Variants in MTUS2 observed in about 807,000 individuals in gnomAD.
The protein encoded by MTUS2 is microtubule associated scaffold protein 2.
A neutral mutation model predicts 114.1 loss-of-function variants in MTUS2; 40 were observed. The observed-to-expected ratio is 0.35, with a 90% CI of 0.27 to 0.46. MTUS2 has a LOEUF of 0.46. MTUS2 is among the 20% of genes least tolerant of loss of function. The probability of loss-of-function intolerance (pLI) is 1.00; values close to 1 mark genes in which losing one functional copy is unlikely to be tolerated. For synonymous variants in MTUS2, 688 were observed against 672.0 expected, an observed-to-expected ratio of 1.02 and a Z score of -0.37; for missense variants, 1,679 against 1,705.4, an observed-to-expected ratio of 0.98 and a Z score of 0.27.
In MTUS2 at chr13:29,232,053, G is replaced by A. The variant is rs187472852; in HGVS notation, c.2645-49651G>A. On this transcript the variant is annotated intron_variant, in intron 5 of 15. Coordinates refer to ENST00000612955, the MANE Select transcript of MTUS2 (RefSeq NM_001033602.4). ...GTAATTTACATTTGGCCTAAGAGTTGTATAGGCAGTGGAGACTGTGGCAAA... is the reference window on the plus strand; with the variant it reads ...GTAATTTACATTTGGCCTAAGAGTTATATAGGCAGTGGAGACTGTGGCAAA... 7.6e-3 allele frequency among the ~76,000 whole-genome samples: 1,161 copies of A among 152,278 alleles called. 6 individuals carry two copies. Among genetic ancestry groups the A allele is most frequent in the South Asian group, 0.013 (65 of 4,830 alleles).
intron 2 of MTUS2, among the ~76,000 whole-genome samples, chr13:29,023,103 A>C (rs1005781934): frequency 6.6e-6 from 1 of 152,210 alleles, no homozygotes; most frequent in African/African-American, 2.4e-5. Flanking sequence ...TATGTTGCAT[A>C]TTGAAGGATG....
chr13:29,105,083 C>T (rs1195911838), intron 5 of MTUS2, among the ~76,000 whole-genome samples: 1 of 152,156 alleles, frequency 6.6e-6, no homozygotes, highest in Non-Finnish European at 1.5e-5. Flanking sequence ...GGGAAATAGT[C>T]ACTGGAGCAT....
chr13:29,124,716 G>A (rs4769002), intron 5 of MTUS2, among the ~76,000 whole-genome samples: 66,718 of 152,106 alleles, frequency 0.44, 15,898 homozygotes, highest in Non-Finnish European at 0.52. Flanking sequence ...TAAACAAAAT[G>A]TCATTTATCC....
chr13:29,151,307 AG>A (rs1260582022), intron 5 of MTUS2, among the ~76,000 whole-genome samples: 1 of 152,036 alleles, frequency 6.6e-6, no homozygotes, highest in East Asian at 1.9e-4. Context: ...GACTATTGTA[AG>A]TGGGATTGTA....
intron 5 of MTUS2, among the ~76,000 whole-genome samples, chr13:29,270,319 C>A (rs1474450014): frequency 3.3e-5 from 5 of 152,056 alleles, no homozygotes; most frequent in African/African-American, 1.2e-4. Flanking sequence ...GGTAAAGCAC[C>A]CCCCTCAGGA....
intron 5 of MTUS2, among the ~76,000 whole-genome samples, chr13:29,198,746 G>A (rs1894810153): frequency 1.3e-5 from 2 of 152,076 alleles, no homozygotes; most frequent in Non-Finnish European, 2.9e-5. Flanking sequence ...ATTTCATTGA[G>A]CAGTGGTTTG....
intron 2 of MTUS2, among the ~76,000 whole-genome samples, chr13:28,898,713 C>A (rs985463657): frequency 2.6e-5 from 4 of 152,094 alleles, no homozygotes; most frequent in African/African-American, 9.7e-5. Context: ...ATCATTACTG[C>A]AAATAAAAAA....
chr13:29,248,904 C>G (rs1171068138), intron 5 of MTUS2, among the ~76,000 whole-genome samples: 1 of 152,074 alleles, frequency 6.6e-6, no homozygotes, highest in Non-Finnish European at 1.5e-5. Flanking sequence ...TGGTTGCATG[C>G]CTTTGTTATT....
intron 3 of MTUS2, 97 bp downstream of exon 3, chr13:29,027,000 G>A: frequency 8.0e-7 from 1 of 1,242,606 alleles, no homozygotes; most frequent in South Asian, 1.6e-5. Context: ...TCCTCTTTAA[G>A]TGAATTACAG....
At chr13:28,900,229 A>T (rs537607614) in intron 2 of MTUS2, among the ~76,000 whole-genome samples, 2 of 152,316 alleles carry the variant, frequency 1.3e-5, no homozygotes. Flanking sequence ...TTTAACAACG[A>T]TTACAATATT....
intron 2 of MTUS2, among the ~76,000 whole-genome samples, chr13:28,868,907 C>G (rs1324198593): frequency 6.6e-6 from 1 of 152,118 alleles, no homozygotes; most frequent in Non-Finnish European, 1.5e-5. Context: ...AGTCAGATCC[C>G]TTGTGCTCCT....
chr13:29,355,481 G>C (rs536094388), intron 7 of MTUS2, among the ~76,000 whole-genome samples: 4 of 152,250 alleles, frequency 2.6e-5, no homozygotes, highest in Non-Finnish European at 5.9e-5. Context: ...ATGTTGTAGA[G>C]TGGTTCAGCA....
At chr13:29,465,302 T>C (rs750482733) in intron 9 of MTUS2, among the ~76,000 whole-genome samples, 45 of 152,316 alleles carry the variant, frequency 3.0e-4, no homozygotes, top group Non-Finnish European at 4.9e-4. Context: ...GCAATCCTCA[T>C]TTTATAGATA....
chr13:28,838,122 G>T (rs1875219013), intron 1 of MTUS2, among the ~76,000 whole-genome samples: 1 of 152,076 alleles, frequency 6.6e-6, no homozygotes, highest in African/African-American at 2.4e-5. Context: ...GCACTAAAAG[G>T]AGATTAAAAA....
chr13:28,838,872 T>C (rs185731561), intron 1 of MTUS2, among the ~76,000 whole-genome samples: 2 of 152,300 alleles, frequency 1.3e-5, no homozygotes, highest in African/African-American at 2.4e-5. Context: ...TTAGATACCA[T>C]TGATGGTAAG....
chr13:29,434,025 CCACA>C (rs1356074167), intron 8 of MTUS2, among the ~76,000 whole-genome samples: 2 of 152,066 alleles, frequency 1.3e-5, no homozygotes, highest in Non-Finnish European at 2.9e-5. Context: ...TTTTCCTGAT[CCACA>C]CGGATTTCAG....
chr13:29,149,440 A>G (rs1461208903), intron 5 of MTUS2, among the ~76,000 whole-genome samples: 1 of 152,172 alleles, frequency 6.6e-6, no homozygotes, highest in Non-Finnish European at 1.5e-5. Flanking sequence ...TGTCAGATGG[A>G]TAGATTACAC....
intron 4 of MTUS2, among the ~76,000 whole-genome samples, chr13:29,085,605 A>G (rs1045093565): frequency 6.6e-6 from 1 of 152,186 alleles, no homozygotes; most frequent in Admixed American, 6.5e-5. Context: ...TGTTCCTGCA[A>G]AGGACATGAT....
intron 2 of MTUS2, among the ~76,000 whole-genome samples, chr13:28,947,497 G>A (rs1470196970): frequency 1.3e-5 from 2 of 151,856 alleles, no homozygotes; most frequent in Admixed American, 1.3e-4. Context: ...TCATTTACAC[G>A]GGGTCTTCAA....
Sources: allele counts gnomAD v4.1 joint callset (sites outside exome capture counted in the v4.1 genomes callset), GRCh38; gene constraint gnomAD v4.1.1; transcripts MANE v1.5; gene names NCBI Gene and HGNC (gene_info 2026-07-23, HGNC 2026-07-21).